LIFR: variants seen among roughly 807,000 people sequenced by gnomAD.
LIFR encodes the protein leukemia inhibitory factor receptor.
In LIFR, 84 loss-of-function variants were observed where a neutral mutation model predicts 122.2. The ratio of observed to expected loss-of-function variants is 0.69; its 90% confidence interval spans 0.58 to 0.82. LIFR has a LOEUF of 0.82. LIFR is among the 40% of genes least tolerant of loss of function. The pLI is 0.00. For missense variants in LIFR, 1,294 were observed against 1,311.6 expected (o/e 0.99, Z 0.21); for synonymous variants, 422 against 434.7 (o/e 0.97, Z 0.36).
Position 38,476,591 on chromosome 5 carries a change from T to C in LIFR, c.*5004A>G, listed in dbSNP as rs758275090. ...TTAGAAGATGCATGTAAATATAATA[T>C]AAATCAACTTTCTTATCAATTAGAC... On this transcript the variant is annotated 3_prime_UTR_variant, in exon 20 of 20. Transcript: ENST00000453190. 1.1e-4 allele frequency: 23 copies of C among 203,866 alleles called. No individual in the cohort carries two copies. The highest frequency in any genetic ancestry group is 1.9e-4 in the Non-Finnish European group (19 of 99,634). The allele number at this position is 203,866 out of a possible 1,614,324, so 12.6% of individuals were successfully genotyped here.
rs929109041 is a variant in LIFR at position 38,505,388 on chromosome 5, A to C, written c.1291+517T>G. Among the ~76,000 whole-genome samples, 4 of 140,240 alleles carry C rather than the reference A, an allele frequency of 2.9e-5. No individual in the cohort carries two copies. The Admixed American group carries it at 3.0e-4, about 11-fold the overall frequency. The allele number at this position is 140,240 out of a possible 152,430, so 92.0% of individuals were successfully genotyped here. A position where few individuals can be genotyped will look rare whatever the true frequency, so the allele number is the denominator to read the frequency against. Reference sequence around the variant, plus strand: ...GTGGTTACCTGAATCTATACCTATAAATTGCATAGAACTACACACACACAC... The same window carrying C: ...GTGGTTACCTGAATCTATACCTATACATTGCATAGAACTACACACACACAC... On this transcript the variant is annotated intron_variant, in intron 9 of 19. Coordinates refer to ENST00000453190, the MANE Select transcript of LIFR (RefSeq NM_001127671.2).
intron 2 of LIFR, among the ~76,000 whole-genome samples, chr5:38,530,288 T>C (rs1027617518): frequency 1.4e-4 from 21 of 152,204 alleles, no homozygotes; most frequent in African/African-American, 5.1e-4. Flanking sequence ...TTATTGTATG[T>C]AAATTATATT....
chr5:38,499,387 T>G, intron 12 of LIFR, 126 bp downstream of exon 12: 1 of 709,444 alleles, frequency 1.4e-6, no homozygotes, highest in South Asian at 1.6e-5. Flanking sequence ...CCAGGTTAGA[T>G]TCTCACCAAT....
In LIFR at chr5:38,476,579, G is replaced by C; in HGVS notation, c.*5016C>G. 5.0e-6 allele frequency: 1 copy of C among 201,442 alleles called. No individual in the cohort carries two copies. Among genetic ancestry groups the C allele is most frequent in the Non-Finnish European group, 1.0e-5 (1 of 98,772 alleles). 12.5% of individuals were successfully genotyped at this position (201,442 alleles called of 1,614,324 possible). On this transcript the variant is annotated 3_prime_UTR_variant, in exon 20 of 20. Transcript: ENST00000453190. ...GTAAAGGCAATCTTAGAAGATGCAT[G>C]TAAATATAATATAAATCAACTTTCT...
At chr5:38,569,246 C>G (rs1017119600) in intron 1 of LIFR, among the ~76,000 whole-genome samples, 4 of 152,194 alleles carry the variant, frequency 2.6e-5, no homozygotes, top group African/African-American at 9.7e-5. Flanking sequence ...AAGTAAAAGT[C>G]AAATTAGTCT....
At chr5:38,593,014 C>A (rs978090479) in intron 1 of LIFR, among the ~76,000 whole-genome samples, 2 of 152,048 alleles carry the variant, frequency 1.3e-5, no homozygotes, top group Non-Finnish European at 2.9e-5. Context: ...ACCAGCCTGA[C>A]CAACATGGTC....
At chr5:38,551,518 A>G (rs1748199037) in intron 1 of LIFR, among the ~76,000 whole-genome samples, 1 of 152,202 alleles carries the variant, frequency 6.6e-6, no homozygotes, top group Admixed American at 6.5e-5. Context: ...GGAGAAGCCC[A>G]CTTTGGGGAG....
At chr5:38,556,295 C>G (rs1328390704) in intron 1 of LIFR, 39 bp downstream of exon 1, 1 of 152,138 alleles carries the variant, frequency 6.6e-6, no homozygotes, top group Non-Finnish European at 1.5e-5. Flanking sequence ...TCCGCGGCTC[C>G]CCTGCTCCGC....
chr5:38,484,663 C>G (rs1397202606), intron 18 of LIFR, 112 bp downstream of exon 18: 6 of 721,956 alleles, frequency 8.3e-6, no homozygotes, highest in Non-Finnish European at 1.5e-5. Flanking sequence ...CATTTTTTAA[C>G]TAACTTATTA....
intron 1 of LIFR, among the ~76,000 whole-genome samples, chr5:38,563,434 T>A (rs758814856): frequency 6.6e-6 from 1 of 152,196 alleles, no homozygotes; most frequent in African/African-American, 2.4e-5. Flanking sequence ...AGAGTCCCCA[T>A]GCTAGGCACT....
chr5:38,482,865 A>G (rs1744070094), intron 18 of LIFR, among the ~76,000 whole-genome samples, 198 bp from the exon 19 acceptor site: 2 of 152,196 alleles, frequency 1.3e-5, no homozygotes, highest in Non-Finnish European at 2.9e-5. Context: ...TGAAAACCAT[A>G]AACAGAATTC....
intron 17 of LIFR, 46 bp downstream of exon 17, chr5:38,485,773 T>C (rs375965957): frequency 6.2e-7 from 1 of 1,602,008 alleles, no homozygotes; most frequent in Non-Finnish European, 8.6e-7. Context: ...ACTAGAACAC[T>C]ACGCATGCAG....
chr5:38,556,580 G>GCC lies in LIFR; in HGVS notation c.-268_-267dup, dbSNP rs2112676393. ...TCCGCGAACCCCGCGGGCCGCCGCC[G>GCC]CCGCCAGAGCCTCCCAGAGGCAACG... On this transcript the variant is annotated 5_prime_UTR_variant, in exon 1 of 20. Transcript: ENST00000453190. 1 of 149,764 alleles carries GCC rather than the reference G, an allele frequency of 6.7e-6. No homozygotes were observed. The highest frequency in any genetic ancestry group is 1.5e-5 in the Non-Finnish European group (1 of 67,070). 9.3% of individuals were successfully genotyped at this position (149,764 alleles called of 1,614,324 possible). A position where few individuals can be genotyped will look rare whatever the true frequency, so the allele number is the denominator to read the frequency against.
intron 14 of LIFR, among the ~76,000 whole-genome samples, chr5:38,492,823 G>C (rs955022180): frequency 5.3e-5 from 8 of 152,216 alleles, no homozygotes; most frequent in African/African-American, 1.9e-4. Context: ...CAAGCTACAG[G>C]GTCCAGAAAT....
rs377456493 is a variant in LIFR at position 38,481,887 on chromosome 5, T to C, written c.3002A>G (p.Tyr1001Cys). The C allele has an allele frequency of 1.8e-5, 29 of 1,614,214 alleles. No individual in the cohort carries two copies. In the African/African-American group the frequency reaches 3.6e-4, roughly 20 times the overall value. Residue 1001 changes from tyrosine (Y) to cysteine (C), a missense_variant, in exon 20 of 20, where the codon TAT (tyrosine) becomes TGT (cysteine). Coordinates refer to ENST00000453190, the MANE Select transcript of LIFR (RefSeq NM_001127671.2). Reference protein sequence around the residue: ...QENDPVGGAGYKPQMHLPINS... With the variant: ...QENDPVGGAGCKPQMHLPINS... Reference sequence around the variant, plus strand: ...AATGGGGAGGTGCATCTGTGGCTTATAGCCTGCCCCTCCTACAGGGTCATT... The same window carrying C: ...AATGGGGAGGTGCATCTGTGGCTTACAGCCTGCCCCTCCTACAGGGTCATT...
At position 38,538,407 on chromosome 5, in the gene LIFR, C is replaced by A. The variant is rs927047302; in HGVS notation, c.-19-7741G>T. Among the ~76,000 whole-genome samples, 5 of 152,202 alleles carry A rather than the reference C, an allele frequency of 3.3e-5. No individual in the cohort carries two copies. In the South Asian group the frequency reaches 1.0e-3, roughly 32 times the overall value. On this transcript the variant is annotated intron_variant, in intron 1 of 19. Coordinates refer to ENST00000453190, the MANE Select transcript of LIFR (RefSeq NM_001127671.2). ...CTAGACAATTTCTTGCTTACTTAGA[C>A]AAATCCACTCAAGTAAGGTTCCTTC...
chr5:38,480,954 A>C lies in LIFR; in HGVS notation c.*641T>G. On this transcript the variant is annotated 3_prime_UTR_variant, in exon 20 of 20. Transcript: ENST00000453190. ...CTGGTCAGTGTCACACTTGTTTTCA[A>C]AGTTTGTACCCCTGAGACAACTGTT... The C allele has an allele frequency of 4.5e-6, 1 of 221,290 alleles. No homozygotes were observed. Among genetic ancestry groups the C allele is most frequent in the Non-Finnish European group, 9.1e-6 (1 of 110,344 alleles). 13.7% of individuals were successfully genotyped at this position (221,290 alleles called of 1,614,324 possible). A position where few individuals can be genotyped will look rare whatever the true frequency, so the allele number is the denominator to read the frequency against.
chr5:38,493,382 G>C (rs991383525), intron 14 of LIFR, among the ~76,000 whole-genome samples: 3 of 152,032 alleles, frequency 2.0e-5, no homozygotes, highest in Non-Finnish European at 4.4e-5. Context: ...GATTAAATCT[G>C]TGTTGTTCTC....
At chr5:38,493,908 A>C in intron 13 of LIFR, 123 bp from the exon 14 acceptor site, 1 of 782,442 alleles carries the variant, frequency 1.3e-6, no homozygotes, top group Non-Finnish European at 2.2e-6. Context: ...ATAGTGCTCA[A>C]ACTAGATAAA....
Sources: gnomAD v4.1 joint callset for allele counts (sites outside exome capture counted in the v4.1 genomes callset) on GRCh38, gnomAD v4.1.1 for gene constraint, MANE v1.5 for transcripts, NCBI Gene and HGNC (gene_info 2026-07-23, HGNC 2026-07-21) for gene names.